Variants in CDC14B observed in about 807,000 individuals in gnomAD.
CDC14B encodes the protein cell division cycle 14B.
In CDC14B, 22 loss-of-function variants were observed where a neutral mutation model predicts 64.2. The observed-to-expected ratio is 0.34, with a 90% confidence interval of 0.24 to 0.49. The LOEUF is 0.49. CDC14B is among the 20% of genes least tolerant of loss of function. The pLI is 0.99. For synonymous variants in CDC14B, 191 were observed against 215.8 expected, an observed-to-expected ratio of 0.89 and a Z score of 1.01; for missense variants, 498 against 629.9, an observed-to-expected ratio of 0.79 and a Z score of 2.24.
chr9:96,531,819 T>C (rs897807462), intron 9 of CDC14B, among the ~76,000 whole-genome samples: 8 of 152,186 alleles, frequency 5.3e-5, no homozygotes, highest in African/African-American at 1.9e-4. Flanking sequence ...GCTTTTATAG[T>C]GGTCCTTGTA....
chr9:96,561,162 C>A (rs764103552), intron 4 of CDC14B, among the ~76,000 whole-genome samples: 3 of 152,124 alleles, frequency 2.0e-5, no homozygotes, highest in Non-Finnish European at 4.4e-5. Context: ...GTCTCGTACA[C>A]CTGACCTCAA....
intron 13 of CDC14B, among the ~76,000 whole-genome samples, chr9:96,508,020 TTTTTTTC>T (rs1834397539): frequency 6.6e-6 from 1 of 151,932 alleles, no homozygotes; most frequent in Non-Finnish European, 1.5e-5. Context: ...CAGAATTTTT[TTTTTTTC>T]TTTTTTGAGA....
intron 13 of CDC14B, among the ~76,000 whole-genome samples, chr9:96,509,144 C>T (rs534763143): frequency 2.0e-5 from 3 of 152,310 alleles, no homozygotes; most frequent in African/African-American, 7.2e-5. Flanking sequence ...GAGTCACCGA[C>T]GTGGCCACAG....
At chr9:96,512,168 T>C (rs927596254) in intron 12 of CDC14B, among the ~76,000 whole-genome samples, 7 of 151,122 alleles carry the variant, frequency 4.6e-5, no homozygotes, top group Admixed American at 1.3e-4. Flanking sequence ...CAGTGAGCCA[T>C]GTTTGTGTCA....
chr9:96,494,884 C>T (rs931930449), intron 13 of CDC14B, among the ~76,000 whole-genome samples: 1 of 149,876 alleles, frequency 6.7e-6, no homozygotes, highest in East Asian at 2.0e-4. Context: ...GCCCAGGCTG[C>T]AGTGCAGTGG....
chr9:96,576,952 A>C (rs1844848251), intron 1 of CDC14B, among the ~76,000 whole-genome samples: 2 of 152,182 alleles, frequency 1.3e-5, no homozygotes, highest in Non-Finnish European at 2.9e-5. Context: ...TGACTACAAT[A>C]CAATAAAAGA....
intron 9 of CDC14B, among the ~76,000 whole-genome samples, chr9:96,528,380 G>C (rs1837906673): frequency 6.6e-6 from 1 of 152,106 alleles, no homozygotes; most frequent in Non-Finnish European, 1.5e-5. Flanking sequence ...AAATTAGCTG[G>C]ATGTCATGGT....
In CDC14B at chr9:96,533,789, GA is replaced by G. The variant is rs1309183208; in HGVS notation, c.946+137del. ...AAATAAGTTACTATACTTTTCATCT[GA>G]AATCAAAGGTTTCACGGCACTCTAA... On this transcript the variant is annotated intron_variant, in intron 9 of 13. Transcript: ENST00000375241. The G allele has an allele frequency of 5.4e-6, 3 of 557,964 alleles. No homozygotes were observed. The African/African-American group carries it at 5.6e-5, about 11-fold the overall frequency. 34.6% of individuals were successfully genotyped at this position (557,964 alleles called of 1,614,324 possible). A position where few individuals can be genotyped will look rare whatever the true frequency, so the allele number is the denominator to read the frequency against.
intron 1 of CDC14B, among the ~76,000 whole-genome samples, chr9:96,609,908 C>T (rs904446510): frequency 1.5e-4 from 23 of 152,108 alleles, no homozygotes; most frequent in African/African-American, 4.3e-4. Flanking sequence ...TTAATTTATC[C>T]AGCCTAGCTT....
At chr9:96,533,837 C>G in intron 9 of CDC14B, 90 bp downstream of exon 9, 2 of 751,394 alleles carry the variant, frequency 2.7e-6, no homozygotes, top group Non-Finnish European at 4.0e-6. Flanking sequence ...GTTTCATGTT[C>G]TGACACATAA....
At chr9:96,560,686 C>T (rs890308671) in intron 4 of CDC14B, among the ~76,000 whole-genome samples, 24 of 147,744 alleles carry the variant, frequency 1.6e-4, no homozygotes, top group Admixed American at 1.4e-4. Flanking sequence ...CAGGTTCAAG[C>T]AATTCCCTGC....
chr9:96,548,257 C>G (rs149383671), intron 5 of CDC14B, among the ~76,000 whole-genome samples: 114 of 152,138 alleles, frequency 7.5e-4, no homozygotes, highest in Admixed American at 1.3e-3. Context: ...ATATACAATA[C>G]TACCTCTCAA....
At chr9:96,508,520 G>A (rs1834475699) in intron 13 of CDC14B, among the ~76,000 whole-genome samples, 1 of 152,130 alleles carries the variant, frequency 6.6e-6, no homozygotes, top group Non-Finnish European at 1.5e-5. Context: ...TTCTTCTCAA[G>A]AAGAATCAAA....
At chr9:96,607,353 A>T (rs1033764508) in intron 1 of CDC14B, among the ~76,000 whole-genome samples, 34 of 127,830 alleles carry the variant, frequency 2.7e-4, no homozygotes, top group South Asian at 1.3e-3. Flanking sequence ...ATTTCATTAA[A>T]TTTTTTTTTT....
chr9:96,591,875 A>G (rs1845813489), intron 1 of CDC14B, among the ~76,000 whole-genome samples: 1 of 151,258 alleles, frequency 6.6e-6, no homozygotes, highest in Non-Finnish European at 1.5e-5. Context: ...CCTTCCGAGT[A>G]GCTGGGACTA....
rs373160930 is a variant in CDC14B at position 96,560,582 on chromosome 9, C to CTTTTTTTTTT, written c.420+2110_420+2111insAAAAAAAAAA. ...GGTTCATACATAGACTTTTCTCTTTCTCTTTTTTTTTTTTTTTTTGAGACG... is the reference window on the plus strand; with the variant it reads ...GGTTCATACATAGACTTTTCTCTTTCTTTTTTTTTTTCTTTTTTTTTTTTTTTTTGAGACG... On this transcript the variant is annotated intron_variant, in intron 4 of 13. Coordinates refer to ENST00000375241, the MANE Select transcript of CDC14B (RefSeq NM_033331.4). Among the ~76,000 whole-genome samples, 21 of 127,664 alleles carry CTTTTTTTTTT rather than the reference C, an allele frequency of 1.6e-4. 1 individual carries two copies. Among genetic ancestry groups the CTTTTTTTTTT allele is most frequent in the African/African-American group, 6.6e-4 (21 of 31,776 alleles). 83.8% of individuals were successfully genotyped at this position (127,664 alleles called of 152,430 possible).
At chr9:96,604,668 C>T (rs1251515048) in intron 1 of CDC14B, among the ~76,000 whole-genome samples, 6 of 150,252 alleles carry the variant, frequency 4.0e-5, no homozygotes, top group Admixed American at 1.3e-4. Flanking sequence ...TTTTTTTTTG[C>T]GGGGGGCGGG....
At chr9:96,556,730 G>C (rs904307583) in intron 4 of CDC14B, among the ~76,000 whole-genome samples, 5 of 151,736 alleles carry the variant, frequency 3.3e-5, no homozygotes, top group Admixed American at 6.6e-5. Context: ...TGAGTGGTAG[G>C]GACATTTTTT....
chr9:96,516,999 G>C (rs1267577973), intron 12 of CDC14B, among the ~76,000 whole-genome samples: 1 of 151,764 alleles, frequency 6.6e-6, no homozygotes, highest in African/African-American at 2.4e-5. Context: ...TGTTGGTTAG[G>C]CTGGTCTTGA....
Sources: allele counts gnomAD v4.1 joint callset (sites outside exome capture counted in the v4.1 genomes callset), GRCh38; gene constraint gnomAD v4.1.1; transcripts MANE v1.5; gene names NCBI Gene and HGNC (gene_info 2026-07-23, HGNC 2026-07-21).